TET3: variants seen among roughly 807,000 people sequenced by gnomAD.
The protein encoded by TET3 is methylcytosine dioxygenase TET3.
TET3 carries 19 observed loss-of-function variants against 141.4 expected under a neutral mutation model. That is an observed-to-expected ratio of 0.13 (90% CI 0.09 to 0.20). The LOEUF is 0.20. Ranked by LOEUF, TET3 falls within the 10% of genes least tolerant of loss-of-function variation. TET3 has a pLI of 1.00. For missense variants in TET3, 1,874 were observed against 2,356.9 expected, an observed-to-expected ratio of 0.80 and a Z score of 4.24; for synonymous variants, 1,043 against 980.9, an observed-to-expected ratio of 1.06 and a Z score of -1.18.
rs1306887281 is a variant in TET3, at chr2:74,106,744, T to A, written c.*4568T>A. On this transcript the variant is annotated 3_prime_UTR_variant, in exon 12 of 12. Coordinates refer to ENST00000409262, the MANE Select transcript of TET3 (RefSeq NM_001287491.2). ...TTGTGTCATCCACTGTCACAATAAT[T>A]TTTTTAAATACCTCAAAAACAGGAC... 6.5e-6 allele frequency: 1 copy of A among 153,734 alleles called. No homozygotes were observed. Among genetic ancestry groups the A allele is most frequent in the African/African-American group, 2.4e-5 (1 of 41,434 alleles). The allele number at this position is 153,734 out of a possible 1,614,324, so 9.5% of individuals were successfully genotyped here.
intron 4 of TET3, among the ~76,000 whole-genome samples, chr2:74,068,327 G>A (rs1324343546): frequency 6.9e-6 from 1 of 144,458 alleles, no homozygotes; most frequent in Non-Finnish European, 1.5e-5. Flanking sequence ...ATGTATGTGT[G>A]ATTGTGTGTA....
At chr2:74,091,285 T>C (rs906294685) in intron 8 of TET3, among the ~76,000 whole-genome samples, 2 of 152,202 alleles carry the variant, frequency 1.3e-5, no homozygotes, top group Non-Finnish European at 2.9e-5. Flanking sequence ...GGAAAGACAT[T>C]GGCTTAATTT....
intron 2 of TET3, among the ~76,000 whole-genome samples, chr2:73,987,777 T>C (rs1684116179): frequency 6.6e-6 from 1 of 152,188 alleles, no homozygotes; most frequent in South Asian, 2.1e-4. Flanking sequence ...TTGATGGCTT[T>C]CAAAGCCTCT....
intron 4 of TET3, among the ~76,000 whole-genome samples, chr2:74,050,548 C>T (rs559997570): frequency 6.6e-6 from 1 of 152,150 alleles, no homozygotes; most frequent in South Asian, 2.1e-4. Flanking sequence ...AAGGACTTTG[C>T]GGTTTCCTTT....
At chr2:74,082,438 T>A (rs1464180064) in intron 6 of TET3, among the ~76,000 whole-genome samples, 1 of 152,010 alleles carries the variant, frequency 6.6e-6, no homozygotes, top group Non-Finnish European at 1.5e-5. Flanking sequence ...GAACTGGAGG[T>A]TACATTCAAG....
intron 4 of TET3, among the ~76,000 whole-genome samples, chr2:74,070,248 T>C (rs568176586): frequency 9.2e-5 from 14 of 152,308 alleles, no homozygotes; most frequent in African/African-American, 3.4e-4. Context: ...GGACTCACAG[T>C]TCCACGTGGC....
At chr2:74,025,564 G>A (rs1183436797) in intron 3 of TET3, among the ~76,000 whole-genome samples, 3 of 151,102 alleles carry the variant, frequency 2.0e-5, no homozygotes, top group South Asian at 2.2e-4. Context: ...CACCGCACCC[G>A]GCCTGAATGT....
intron 10 of TET3, among the ~76,000 whole-genome samples, chr2:74,097,480 A>G (rs1438806240): frequency 6.6e-6 from 1 of 152,204 alleles, no homozygotes; most frequent in Non-Finnish European, 1.5e-5. Flanking sequence ...GGATATGGTA[A>G]GACATGCAGA....
chr2:74,006,871 G>T (rs920786282), intron 3 of TET3, among the ~76,000 whole-genome samples: 5 of 152,190 alleles, frequency 3.3e-5, no homozygotes, highest in Non-Finnish European at 7.3e-5. Flanking sequence ...CAGAGAAGGA[G>T]ATACATTAGG....
intron 3 of TET3, among the ~76,000 whole-genome samples, chr2:74,028,157 T>TAAA (rs1232162119): frequency 0.018 from 2,734 of 150,252 alleles, 80 homozygotes; most frequent in African/African-American, 0.061. Context: ...TGCCTAATTT[T>TAAA]AAAAAAAAAA....
rs571095836 is a variant in TET3 at position 74,105,563 on chromosome 2, G to A, written c.*3387G>A. 10 of 397,218 alleles carry A rather than the reference G, an allele frequency of 2.5e-5. No homozygotes were observed. Among genetic ancestry groups the A allele is most frequent in the Non-Finnish European group, 4.0e-5 (9 of 224,938 alleles). The allele number at this position is 397,218 out of a possible 1,614,324, so 24.6% of individuals were successfully genotyped here. ...ATGTTTCCCACACCCCGGCTTCATG[G>A]GTACTGCTTTGCCTTCTCACCAAGG... is the stretch of plus-strand genomic sequence containing the variant. On this transcript the variant is annotated 3_prime_UTR_variant, in exon 12 of 12. Transcript: ENST00000409262.
chr2:74,118,201 T>C, the TET3 span, among the ~76,000 whole-genome samples: 5 of 152,372 alleles, frequency 3.3e-5, no homozygotes, highest in East Asian at 9.6e-4. Context: ...TCTTTCATTG[T>C]GTTTAGCACA....
chr2:74,079,632 A>G (rs1009957982), intron 5 of TET3, among the ~76,000 whole-genome samples: 1 of 152,184 alleles, frequency 6.6e-6, no homozygotes, highest in African/African-American at 2.4e-5. Context: ...TACCAAGCCC[A>G]GGAGGTGGGG....
At chr2:74,014,628 G>A (rs1685637231) in intron 3 of TET3, among the ~76,000 whole-genome samples, 1 of 152,036 alleles carries the variant, frequency 6.6e-6, no homozygotes, top group South Asian at 2.1e-4. Flanking sequence ...GCATATCCTA[G>A]GCCGAAATGG....
chr2:74,071,438 CTG>C (rs1389192568), intron 4 of TET3, among the ~76,000 whole-genome samples: 5 of 152,172 alleles, frequency 3.3e-5, no homozygotes, highest in Non-Finnish European at 7.4e-5. Flanking sequence ...TTGTGGCTCA[CTG>C]TTTTTTTCTT....
At chr2:74,014,167 C>G (rs902843841) in intron 3 of TET3, among the ~76,000 whole-genome samples, 1 of 151,932 alleles carries the variant, frequency 6.6e-6, no homozygotes, top group African/African-American at 2.4e-5. Flanking sequence ...TCATCTTTTC[C>G]TTAGGTTTAT....
rs575669244 is a variant in TET3, at chr2:74,102,240, C to T, written c.*64C>T. Reference sequence around the variant, plus strand: ...CCGAGCTGTCTCTGTGGTGCTTTTGCCCTCATACCTGGGGGCGGGTTGGGG... The same window carrying T: ...CCGAGCTGTCTCTGTGGTGCTTTTGTCCTCATACCTGGGGGCGGGTTGGGG... On this transcript the variant is annotated 3_prime_UTR_variant, in exon 12 of 12. Transcript: ENST00000409262. 4.2e-4 allele frequency: 581 copies of T among 1,375,174 alleles called. 13 individuals carry two copies. In the South Asian group the frequency reaches 0.011, roughly 27 times the overall value. 85.2% of individuals were successfully genotyped at this position (1,375,174 alleles called of 1,614,324 possible).
At chr2:74,043,502 G>T (rs1387325246) in intron 3 of TET3, among the ~76,000 whole-genome samples, 1 of 152,182 alleles carries the variant, frequency 6.6e-6, no homozygotes, top group East Asian at 1.9e-4. Context: ...AAGTGCTAAT[G>T]AAGGTGCCCT....
At chr2:73,991,151 C>T (rs1247004598) in intron 2 of TET3, among the ~76,000 whole-genome samples, 1 of 52,710 alleles carries the variant, frequency 1.9e-5, no homozygotes, top group Non-Finnish European at 3.5e-5. Context: ...GCTATTTTGC[C>T]CAGGCTGGTC....
Sources: gnomAD v4.1 joint callset for allele counts (sites outside exome capture counted in the v4.1 genomes callset) on GRCh38, gnomAD v4.1.1 for gene constraint, MANE v1.5 for transcripts, NCBI Gene and HGNC (gene_info 2026-07-23, HGNC 2026-07-21) for gene names.